Variants in CCNJL observed in about 807,000 individuals in gnomAD.
CCNJL encodes cyclin J like.
CCNJL carries 33 observed loss-of-function variants against 33.4 expected under a neutral mutation model. The observed-to-expected ratio is 0.99, with a 90% confidence interval of 0.75 to 1.32. CCNJL has a LOEUF of 1.32. CCNJL is among the 40% of genes most tolerant of loss of function. The probability of loss-of-function intolerance (pLI) is 0.00; values close to 1 mark genes in which losing one functional copy is unlikely to be tolerated. For missense variants in CCNJL, 512 were observed against 499.7 expected (o/e 1.02, Z -0.23); for synonymous variants, 227 against 220.9 (o/e 1.03, Z -0.24).
chr5:160,334,379 G>A (rs988258193), intron 1 of CCNJL, among the ~76,000 whole-genome samples: 1 of 152,142 alleles, frequency 6.6e-6, no homozygotes, highest in African/African-American at 2.4e-5. Flanking sequence ...CGCAACCAGA[G>A]GGCACAATAA....
In CCNJL at chr5:160,293,768, T is replaced by C. The variant is rs546169963; in HGVS notation, c.67-13030A>G. On this transcript the variant is annotated intron_variant, in intron 2 of 5. Transcript: ENST00000257536. ...AGAAGTATAACTGCCAAGGCCACAC[T>C]GCAGGTGAGTGGTAAATCTTGGGCT... is the stretch of plus-strand genomic sequence containing the variant. 5.9e-5 allele frequency among the ~76,000 whole-genome samples: 9 copies of C among 152,254 alleles called. No homozygotes were observed. In the South Asian group the frequency reaches 1.7e-3, roughly 28 times the overall value.
chr5:160,310,052 G>A (rs897963486), intron 2 of CCNJL, among the ~76,000 whole-genome samples: 1 of 152,226 alleles, frequency 6.6e-6, no homozygotes, highest in Middle Eastern at 3.4e-3. Context: ...CTAAACAAAT[G>A]GCATTTATTG....
intron 3 of CCNJL, 150 bp downstream of exon 3, chr5:160,280,374 TA>T: frequency 1.5e-6 from 1 of 662,654 alleles, no homozygotes; most frequent in Non-Finnish European, 2.6e-6. Context: ...ATGTTGCATC[TA>T]AAAATGTTGA....
chr5:160,308,596 A>G (rs371565605), intron 2 of CCNJL, among the ~76,000 whole-genome samples: 3 of 152,314 alleles, frequency 2.0e-5, no homozygotes, highest in East Asian at 1.9e-4. Flanking sequence ...CGTCTCTACT[A>G]AAAATACGAA....
intron 2 of CCNJL, among the ~76,000 whole-genome samples, chr5:160,299,462 T>TA (rs956322797): frequency 1.2e-4 from 18 of 150,700 alleles, no homozygotes; most frequent in South Asian, 2.1e-4. Flanking sequence ...TAAAAGACGC[T>TA]AAAAAAAAAT....
At chr5:160,297,672 A>T (rs1015366598) in intron 2 of CCNJL, among the ~76,000 whole-genome samples, 1 of 145,140 alleles carries the variant, frequency 6.9e-6, no homozygotes, top group African/African-American at 2.6e-5. Context: ...AAAAAAAAAA[A>T]CAAAACACCG....
chr5:160,339,200 A>C (rs918656908), intron 1 of CCNJL, among the ~76,000 whole-genome samples: 1 of 152,078 alleles, frequency 6.6e-6, no homozygotes, highest in Non-Finnish European at 1.5e-5. Context: ...GGCTTTGAAG[A>C]TAGAGCAATA....
At chr5:160,258,399 A>G (rs1234202970) in intron 4 of CCNJL, 30 of 826,388 alleles carry the variant, frequency 3.6e-5, no homozygotes, top group South Asian at 3.1e-4. Flanking sequence ...AAGCCATAAG[A>G]AGGCTTCCTG....
At chr5:160,335,898 A>T (rs1479843089) in intron 1 of CCNJL, among the ~76,000 whole-genome samples, 1 of 152,018 alleles carries the variant, frequency 6.6e-6, no homozygotes, top group Non-Finnish European at 1.5e-5. Context: ...TGCTCTTTTT[A>T]ACAGTATCTT....
intron 1 of CCNJL, among the ~76,000 whole-genome samples, chr5:160,320,789 CTT>C (rs57879371): frequency 0.04 from 1,421 of 35,614 alleles, 45 homozygotes; most frequent in African/African-American, 0.086. Context: ...TCTTTCTTTC[CTT>C]TCTTTCTTTC....
chr5:160,293,986 C>A (rs920505584), intron 2 of CCNJL, among the ~76,000 whole-genome samples: 1 of 152,066 alleles, frequency 6.6e-6, no homozygotes, highest in African/African-American at 2.4e-5. Flanking sequence ...AACAAGAGCC[C>A]GGGAATCCAC....
At chr5:160,314,981 T>G (rs549280576), upstream of CCNJL, among the ~76,000 whole-genome samples, 7 of 152,352 alleles carry the variant, frequency 4.6e-5, no homozygotes, top group South Asian at 8.3e-4. Context: ...AACTGTATTA[T>G]TTGATCCAAC....
intron 3 of CCNJL, among the ~76,000 whole-genome samples, chr5:160,263,109 C>T (rs924837663): frequency 6.6e-6 from 1 of 152,192 alleles, no homozygotes; most frequent in African/African-American, 2.4e-5. Flanking sequence ...GGACCCTTCA[C>T]CAGATTCTGC....
At chr5:160,256,406 T>C (rs1221231324) in intron 4 of CCNJL, among the ~76,000 whole-genome samples, 2 of 152,224 alleles carry the variant, frequency 1.3e-5, no homozygotes, top group Non-Finnish European at 2.9e-5. Context: ...GCCTGGCCCA[T>C]AGTAGGCACT....
At chr5:160,324,068 A>G (rs1561813704) in intron 1 of CCNJL, among the ~76,000 whole-genome samples, 1 of 152,238 alleles carries the variant, frequency 6.6e-6, no homozygotes, top group Non-Finnish European at 1.5e-5. Flanking sequence ...GTCAGCCTCC[A>G]TGAACATATT....
In CCNJL at chr5:160,249,156, C is replaced by T. The variant is rs1760742638; in HGVS notation, c.*4222G>A. The T allele has an allele frequency of 6.6e-6, 1 of 152,186 alleles. No homozygotes were observed. The highest frequency in any genetic ancestry group is 2.4e-5 in the African/African-American group (1 of 41,452). The allele number at this position is 152,186 out of a possible 1,614,324, so 9.4% of individuals were successfully genotyped here. ...TCATGAGGAGGTCAGCTCATTTGCT[C>T]CCATTTGAACCATGCTGCCTCTGAA... On this transcript the variant is annotated 3_prime_UTR_variant, in exon 6 of 6. Transcript: ENST00000257536.
intron 1 of CCNJL, among the ~76,000 whole-genome samples, chr5:160,324,078 T>C (rs1054695263): frequency 3.3e-5 from 5 of 152,188 alleles, no homozygotes; most frequent in Non-Finnish European, 5.9e-5. Context: ...ATGAACATAT[T>C]AATCAATTCC....
chr5:160,324,913 A>G (rs1209142469), intron 1 of CCNJL, among the ~76,000 whole-genome samples: 1 of 152,176 alleles, frequency 6.6e-6, no homozygotes, highest in Non-Finnish European at 1.5e-5. Flanking sequence ...TATGATCTAC[A>G]CTATAGAATA....
intron 3 of CCNJL, chr5:160,276,164 G>C (rs1037352768): frequency 6.6e-6 from 1 of 152,248 alleles, no homozygotes; most frequent in African/African-American, 2.4e-5. Flanking sequence ...TGGGACCGAG[G>C]CGGGTGAATC....
Sources: gnomAD v4.1 joint callset for allele counts (sites outside exome capture counted in the v4.1 genomes callset) on GRCh38, gnomAD v4.1.1 for gene constraint, MANE v1.5 for transcripts, NCBI Gene and HGNC (gene_info 2026-07-23, HGNC 2026-07-21) for gene names.